Variants in ATXN1 observed in about 807,000 individuals in gnomAD.
ATXN1 encodes ataxin 1.
Under a neutral mutation model 56.4 loss-of-function variants are expected in ATXN1, and 8 were observed. That is an observed-to-expected ratio of 0.14 (90% CI 0.08 to 0.26). ATXN1 has a LOEUF of 0.26. Among genes scored for constraint, ATXN1 ranks in the 10% least tolerant of loss-of-function variants. The pLI, the probability that ATXN1 is intolerant of heterozygous loss-of-function variation, is 1.00. For missense variants in ATXN1, 987 were observed against 1,106.5 expected (o/e 0.89, Z 1.53); for synonymous variants, 514 against 494.6 (o/e 1.04, Z -0.52).
chr6:16,719,412 AATT>A (rs1759702561), intron 2 of ATXN1, among the ~76,000 whole-genome samples: 1 of 152,240 alleles, frequency 6.6e-6, no homozygotes, highest in Non-Finnish European at 1.5e-5. Flanking sequence ...CAAGTGAAAT[AATT>A]ATTGATTGGT....
At chr6:16,730,513 ATT>A (rs1398184184) in intron 2 of ATXN1, among the ~76,000 whole-genome samples, 5 of 147,716 alleles carry the variant, frequency 3.4e-5, no homozygotes, top group African/African-American at 1.2e-4. Flanking sequence ...ATATAAATGT[ATT>A]TATACATATA....
At chr6:16,530,736 T>C (rs1761487750) in intron 4 of ATXN1, among the ~76,000 whole-genome samples, 1 of 152,162 alleles carries the variant, frequency 6.6e-6, no homozygotes. Flanking sequence ...CCTGCACACG[T>C]ACATCTGAAC....
intron 6 of ATXN1, among the ~76,000 whole-genome samples, chr6:16,393,503 G>C (rs1180785241): frequency 6.6e-6 from 1 of 152,104 alleles, no homozygotes; most frequent in African/African-American, 2.4e-5. Flanking sequence ...CCAAAGTGTT[G>C]GAATTGTAGG....
At chr6:16,503,360 G>A (rs539575854) in intron 5 of ATXN1, among the ~76,000 whole-genome samples, 1 of 152,268 alleles carries the variant, frequency 6.6e-6, no homozygotes, top group South Asian at 2.1e-4. Flanking sequence ...TTTGCTCCTG[G>A]CCTCATGACA....
intron 6 of ATXN1, among the ~76,000 whole-genome samples, chr6:16,427,293 A>G (rs723754): frequency 0.82 from 125,484 of 152,200 alleles, 52,453 homozygotes; most frequent in East Asian, 0.99. Flanking sequence ...AGCATTCCTC[A>G]CTTCTACTCA....
intron 4 of ATXN1, among the ~76,000 whole-genome samples, chr6:16,555,394 G>C (rs1220114686): frequency 6.6e-6 from 1 of 152,116 alleles, no homozygotes; most frequent in Non-Finnish European, 1.5e-5. Flanking sequence ...CAGTAGCTTG[G>C]TCAAGTTCAC....
chr6:16,698,227 T>C (rs1447152797), intron 2 of ATXN1, among the ~76,000 whole-genome samples: 1 of 152,232 alleles, frequency 6.6e-6, no homozygotes, highest in African/African-American at 2.4e-5. Context: ...AACACATCAC[T>C]CTATCATTAG....
rs144962740 is a variant in ATXN1 at position 16,327,539 on chromosome 6, C to A, written c.772G>T (p.Gly258Cys). The change falls in exon 7 of 8, where the codon GGC (glycine) becomes TGC (cysteine). Residue 258 changes from glycine (G) to cysteine (C), a missense_variant. Coordinates refer to ENST00000436367, the MANE Select transcript of ATXN1 (RefSeq NM_001128164.2). ...ATGGCCGGAGGAGAGGCGGTGCGGC[C>A]GGTGTTCTGCGGAGAACTGGAAATG... ...VHISSSPQNT[G>C]RTASPPAIPV... 2.8e-3 allele frequency: 4,458 copies of A among 1,608,338 alleles called. 15 individuals carry two copies. Among genetic ancestry groups the A allele is most frequent in the Non-Finnish European group, 3.4e-3 (4,055 of 1,177,924 alleles).
chr6:16,656,238 C>T lies in ATXN1; in HGVS notation c.-489+1538G>A, dbSNP rs188849105. On this transcript the variant is annotated intron_variant, in intron 3 of 7. Transcript: ENST00000436367. ...CCACACTGGTTGATACAATGAGCCC[C>T]TCTGCAAATGACCACCAAGCCTACA... is the stretch of plus-strand genomic sequence containing the variant. Among the ~76,000 whole-genome samples, 472 of 124,770 alleles carry T rather than the reference C, an allele frequency of 3.8e-3. 7 individuals are homozygous for T. The highest frequency in any genetic ancestry group is 0.032 in the Admixed American group (402 of 12,650). 81.9% of individuals were successfully genotyped at this position (124,770 alleles called of 152,430 possible).
At chr6:16,688,732 C>G (rs560711713) in intron 2 of ATXN1, among the ~76,000 whole-genome samples, 6 of 152,168 alleles carry the variant, frequency 3.9e-5, no homozygotes. Context: ...TTACCCGGCT[C>G]ACTTATTTAC....
At chr6:16,729,370 A>G (rs1759918202) in intron 2 of ATXN1, among the ~76,000 whole-genome samples, 2 of 152,238 alleles carry the variant, frequency 1.3e-5, no homozygotes, top group African/African-American at 4.8e-5. Flanking sequence ...TGTTAAATAT[A>G]TAAGCGTTCG....
intron 4 of ATXN1, among the ~76,000 whole-genome samples, chr6:16,557,594 C>T (rs1762038548): frequency 2.0e-5 from 3 of 151,952 alleles, no homozygotes; most frequent in Admixed American, 1.3e-4. Flanking sequence ...GAAAAGAATA[C>T]CATACCGATA....
chr6:16,733,557 T>A (rs1236891744), intron 2 of ATXN1, among the ~76,000 whole-genome samples: 1 of 150,744 alleles, frequency 6.6e-6, no homozygotes, highest in Non-Finnish European at 1.5e-5. Flanking sequence ...GACTGAGAAC[T>A]GACCTCTTGG....
intron 5 of ATXN1, among the ~76,000 whole-genome samples, chr6:16,514,760 G>A (rs1290301772): frequency 2.0e-5 from 3 of 151,998 alleles, no homozygotes; most frequent in Non-Finnish European, 2.9e-5. Context: ...AAGGTGGGCA[G>A]ATCACGAGGT....
intron 7 of ATXN1, among the ~76,000 whole-genome samples, chr6:16,309,073 A>T (rs569008496): frequency 1.1e-4 from 16 of 150,082 alleles, no homozygotes; most frequent in African/African-American, 2.4e-4. Context: ...ACAGAAATTT[A>T]AAAAAAAATA....
chr6:16,414,779 A>T (rs1758869055), intron 6 of ATXN1, among the ~76,000 whole-genome samples: 1 of 152,240 alleles, frequency 6.6e-6, no homozygotes, highest in Non-Finnish European at 1.5e-5. Flanking sequence ...GTAGCATCTG[A>T]AAGAGAATAT....
At position 16,362,824 on chromosome 6, in the gene ATXN1, C is replaced by T. The variant is rs149962806; in HGVS notation, c.-160-34354G>A. On this transcript the variant is annotated intron_variant, in intron 6 of 7. Coordinates refer to ENST00000436367, the MANE Select transcript of ATXN1 (RefSeq NM_001128164.2). ...TCTCCCACCCACTCATGTCGCAAAC[C>T]TTTATGGAGTGCCTACTACATATTA... 6.3e-3 allele frequency among the ~76,000 whole-genome samples: 953 copies of T among 152,246 alleles called. 5 individuals are homozygous for T. Among genetic ancestry groups the T allele is most frequent in the Middle Eastern group, 0.024 (7 of 294 alleles).
At chr6:16,668,091 C>T (rs1758468407) in intron 2 of ATXN1, among the ~76,000 whole-genome samples, 1 of 152,198 alleles carries the variant, frequency 6.6e-6, no homozygotes, top group Admixed American at 6.5e-5. Flanking sequence ...TCTCTCAAGG[C>T]AGTGCACATA....
chr6:16,700,797 GTGC>G (rs1581376508), intron 2 of ATXN1, among the ~76,000 whole-genome samples: 2 of 152,092 alleles, frequency 1.3e-5, no homozygotes, highest in East Asian at 3.9e-4. Flanking sequence ...GTAAGCAGAC[GTGC>G]TGCTTTTAGC....
Sources: gnomAD v4.1 joint callset for allele counts (sites outside exome capture counted in the v4.1 genomes callset) on GRCh38, gnomAD v4.1.1 for gene constraint, MANE v1.5 for transcripts, NCBI Gene and HGNC (gene_info 2026-07-23, HGNC 2026-07-21) for gene names.